Variants in SCART1 observed in about 807,000 individuals in gnomAD.
SCART1 encodes scavenger receptor family member expressed on T cells 1.
Under a neutral mutation model 36.2 loss-of-function variants are expected in SCART1, and 62 were observed. The observed-to-expected ratio is 1.71, with a 90% confidence interval of 1.40 to 2.12. The LOEUF (loss-of-function observed/expected upper bound fraction) is 2.12, where lower values mean the gene tolerates loss of function less well. SCART1 is among the 30% of genes most tolerant of loss of function. The pLI is 0.00. For missense variants in SCART1, 1,041 were observed against 540.5 expected, an observed-to-expected ratio of 1.93 and a Z score of -9.18; for synonymous variants, 487 against 238.7, an observed-to-expected ratio of 2.04 and a Z score of -9.59.
At chr10:133,462,261 G>A (rs1293022698) in intron 6 of SCART1, among the ~76,000 whole-genome samples, 1 of 152,208 alleles carries the variant, frequency 6.6e-6, no homozygotes, top group Non-Finnish European at 1.5e-5. Context: ...CTGTGCATAC[G>A]TCCAGGGTAC....
At chr10:133,465,359 C>T (rs1449028078) in exon 9 of SCART1, 4 of 681,684 alleles carry the variant, frequency 5.9e-6, no homozygotes, top group Admixed American at 2.1e-5. Flanking sequence ...TGGGACCTGG[C>T]GGACGCGGAG....
chr10:133,455,657 G>A (rs1183087546), intron 1 of SCART1, among the ~76,000 whole-genome samples: 2 of 152,064 alleles, frequency 1.3e-5, no homozygotes, highest in African/African-American at 4.8e-5. Context: ...GGGAGAGAAG[G>A]TGCTGGAGTA....
intron 1 of SCART1, 43 bp downstream of exon 1, chr10:133,454,107 T>A: frequency 1.4e-6 from 1 of 702,864 alleles, no homozygotes; most frequent in Non-Finnish European, 2.6e-6. Flanking sequence ...TCTGGAGGCA[T>A]CAGCTCTGTT....
chr10:133,457,189 C>A, intron 2 of SCART1, 90 bp from the exon 3 acceptor site: 1 of 672,410 alleles, frequency 1.5e-6, no homozygotes, highest in South Asian at 1.6e-5. Flanking sequence ...TGGCTCAGCC[C>A]ATCACTGTCC....
intron 1 of SCART1, among the ~76,000 whole-genome samples, chr10:133,455,914 T>A (rs975171466): frequency 3.0e-4 from 45 of 152,078 alleles, no homozygotes; most frequent in African/African-American, 1.1e-3. Context: ...AGGGGAATGA[T>A]GCTTGGGAGG....
chr10:133,456,522 C>T (rs1403299995), exon 2 of SCART1: 3 of 682,622 alleles, frequency 4.4e-6, no homozygotes, highest in Non-Finnish European at 8.1e-6. Context: ...AGCCCGTGCC[C>T]CCACGCATGG....
Position 133,465,273 on chromosome 10 carries a change from CG to C in SCART1, c.2372del (p.Gly791AlafsTer134), listed in dbSNP as rs1564835861. The C allele has an allele frequency of 1.5e-6, 1 of 688,162 alleles. No individual in the cohort carries two copies. Among genetic ancestry groups the C allele is most frequent in the East Asian group, 2.7e-5 (1 of 36,952 alleles). The allele number at this position is 688,162 out of a possible 1,614,324, so 42.6% of individuals were successfully genotyped here. On this transcript the variant is annotated frameshift_variant, in exon 9 of 12. Transcript: ENST00000640237. LOFTEE classifies it high-confidence loss of function. ...CAGAGGAGGGCGCACTGCGCGTGCGCGGGGGCGAGGACCGCTGCTCCGGGCG... is the reference window on the plus strand; with the variant it reads ...CAGAGGAGGGCGCACTGCGCGTGCGCGGGGCGAGGACCGCTGCTCCGGGCG...
At position 133,467,842 on chromosome 10, in the gene SCART1, G is replaced by A. The variant is rs565599798; in HGVS notation, c.2963-5G>A. 236 of 677,310 alleles carry A rather than the reference G, an allele frequency of 3.5e-4. No homozygotes were observed. In the African/African-American group the frequency reaches 3.7e-3, roughly 11 times the overall value. 42.0% of individuals were successfully genotyped at this position (677,310 alleles called of 1,614,324 possible). A position where few individuals can be genotyped will look rare whatever the true frequency, so the allele number is the denominator to read the frequency against. Reference sequence around the variant, plus strand: ...GATTTGGTCACGCGGTGTCTCTTGCGCCAGTTTCAGGGGAGGTGTCTAACC... The same window carrying A: ...GATTTGGTCACGCGGTGTCTCTTGCACCAGTTTCAGGGGAGGTGTCTAACC... On this transcript the variant is annotated splice_polypyrimidine_tract_variant and splice_region_variant and intron_variant, in intron 11 of 11. Transcript: ENST00000640237.
intron 11 of SCART1, 43 bp from the exon 12 acceptor site, chr10:133,467,804 T>C (rs1159667898): frequency 6.3e-6 from 4 of 629,984 alleles, no homozygotes; most frequent in Admixed American, 2.4e-5. Context: ...TGGGGACAAC[T>C]TGCACGTGTG....
rs35443213 is a variant in SCART1, at chr10:133,467,829, C to A, written c.2963-18C>A. 4.5e-6 allele frequency: 3 copies of A among 660,562 alleles called. No individual in the cohort carries two copies. The highest frequency in any genetic ancestry group is 1.8e-5 in the African/African-American group (1 of 56,186). 40.9% of individuals were successfully genotyped at this position (660,562 alleles called of 1,614,324 possible). ...TTGCACGTGTGCTGATTTGGTCACGCGGTGTCTCTTGCGCCAGTTTCAGGG... is the reference window on the plus strand; with the variant it reads ...TTGCACGTGTGCTGATTTGGTCACGAGGTGTCTCTTGCGCCAGTTTCAGGG... On this transcript the variant is annotated intron_variant, in intron 11 of 11. Coordinates refer to ENST00000640237, the Ensembl canonical transcript of SCART1.
At chr10:133,465,944 T>C in intron 9 of SCART1, 4 of 671,544 alleles carry the variant, frequency 6.0e-6, no homozygotes, top group South Asian at 4.5e-5. Flanking sequence ...CCTGAGCCAC[T>C]CCCATTCTCT....
chr10:133,456,598 G>A (rs1420386555), intron 2 of SCART1, 44 bp downstream of exon 2: 1 of 618,640 alleles, frequency 1.6e-6, no homozygotes, highest in South Asian at 1.9e-5. Flanking sequence ...GGAGGAGGAG[G>A]AGTGGGAGGA....
intron 1 of SCART1, among the ~76,000 whole-genome samples, chr10:133,455,936 T>C (rs1850603978): frequency 1.3e-5 from 2 of 151,656 alleles, no homozygotes; most frequent in African/African-American, 2.4e-5. Flanking sequence ...AGAGAGTGGG[T>C]GGGAGGACCC....
chr10:133,466,219 AC>A lies in SCART1; in HGVS notation c.2660-14del, dbSNP rs1175741206. 1.4e-6 allele frequency: 1 copy of A among 699,828 alleles called. No individual in the cohort carries two copies. Among genetic ancestry groups the A allele is most frequent in the South Asian group, 1.5e-5 (1 of 67,274 alleles). The allele number at this position is 699,828 out of a possible 1,614,324, so 43.4% of individuals were successfully genotyped here. Reference sequence around the variant, plus strand: ...CCCCCCACCACCCAGCTGGCTCAAGACCTCTCCTTTCTCAGAGCCTGGCCCA... The same window carrying A: ...CCCCCCACCACCCAGCTGGCTCAAGACTCTCCTTTCTCAGAGCCTGGCCCA... On this transcript the variant is annotated splice_polypyrimidine_tract_variant and intron_variant, in intron 9 of 11. Transcript: ENST00000640237.
exon 10 of SCART1, chr10:133,466,261 G>A (rs547846461): frequency 1.4e-6 from 1 of 702,934 alleles, no homozygotes; most frequent in African/African-American, 1.7e-5. Flanking sequence ...CCCACTGCCT[G>A]CAGCTCCCTT....
intron 6 of SCART1, among the ~76,000 whole-genome samples, chr10:133,460,500 T>TTTTTTTTA (rs1850688100): frequency 1.5e-5 from 2 of 134,706 alleles, no homozygotes; most frequent in South Asian, 2.6e-4. Flanking sequence ...TTATATATTT[T>TTTTTTTTA]AAAAAATATT....
intron 7 of SCART1, 81 bp from the exon 8 acceptor site, chr10:133,465,025 T>G (rs771748015): frequency 1.4e-6 from 1 of 700,558 alleles, no homozygotes; most frequent in South Asian, 1.5e-5. Flanking sequence ...AGCCTGGGCC[T>G]GGGGGTCACT....
intron 7 of SCART1, 57 bp from the exon 8 acceptor site, chr10:133,465,049 T>C (rs1850747028): frequency 2.8e-6 from 2 of 702,158 alleles, no homozygotes; most frequent in African/African-American, 3.5e-5. Context: ...ATCCACAGCC[T>C]TCCTTGTGAA....
At chr10:133,462,522 C>A (rs1413424626) in intron 6 of SCART1, among the ~76,000 whole-genome samples, 1 of 152,142 alleles carries the variant, frequency 6.6e-6, no homozygotes, top group East Asian at 1.9e-4. Flanking sequence ...GAGATAAAGC[C>A]ATCGTGAATG....
Sources: allele counts gnomAD v4.1 joint callset (sites outside exome capture counted in the v4.1 genomes callset), GRCh38; gene constraint gnomAD v4.1.1; transcripts MANE v1.5; gene names NCBI Gene and HGNC (gene_info 2026-07-23, HGNC 2026-07-21).